Variants in TBC1D5 observed in about 807,000 individuals in gnomAD.
TBC1D5 encodes TBC1 domain family, member 5.
TBC1D5 carries 75 observed loss-of-function variants against 100.3 expected under a neutral mutation model. The observed-to-expected ratio is 0.75, with a 90% CI of 0.62 to 0.91. The LOEUF (loss-of-function observed/expected upper bound fraction) is 0.91, where lower values mean the gene tolerates loss of function less well. Ranked by LOEUF, TBC1D5 falls within the 40% of genes least tolerant of loss-of-function variation. The pLI is 0.00. For missense variants in TBC1D5, 910 were observed against 942.4 expected (o/e 0.97, Z 0.45); for synonymous variants, 323 against 325.6 (o/e 0.99, Z 0.09).
intron 8 of TBC1D5, among the ~76,000 whole-genome samples, chr3:17,391,282 C>T (rs538390119): frequency 2.6e-5 from 4 of 151,876 alleles, no homozygotes; most frequent in Admixed American, 6.6e-5. Flanking sequence ...GAAGGAGGAC[C>T]GTAAAGCAGC....
intron 17 of TBC1D5, among the ~76,000 whole-genome samples, chr3:17,221,513 A>T (rs2074285147): frequency 6.6e-6 from 1 of 152,128 alleles, no homozygotes. Flanking sequence ...GGAAGGCAGA[A>T]GAATGAGCTA....
intron 14 of TBC1D5, among the ~76,000 whole-genome samples, chr3:17,300,501 A>G (rs971278638): frequency 1.3e-5 from 2 of 152,232 alleles, no homozygotes; most frequent in African/African-American, 4.8e-5. Context: ...ACAGTGGCTG[A>G]AGAATAAGTA....
At chr3:17,484,768 G>A (rs1002004138) in intron 3 of TBC1D5, among the ~76,000 whole-genome samples, 5 of 152,086 alleles carry the variant, frequency 3.3e-5, no homozygotes, top group African/African-American at 9.7e-5. Flanking sequence ...ACAGGCATGA[G>A]CCACTAGGCC....
intron 3 of TBC1D5, among the ~76,000 whole-genome samples, chr3:17,485,922 C>T (rs1279775091): frequency 2.6e-5 from 4 of 152,144 alleles, no homozygotes; most frequent in Admixed American, 1.3e-4. Flanking sequence ...GCCACACTGA[C>T]TTCCACAAGG....
chr3:17,320,466 T>C (rs933891466), intron 13 of TBC1D5, among the ~76,000 whole-genome samples: 2 of 152,230 alleles, frequency 1.3e-5, no homozygotes, highest in Non-Finnish European at 2.9e-5. Flanking sequence ...TAAGAGGATA[T>C]AGTGTTGGGA....
intron 18 of TBC1D5, among the ~76,000 whole-genome samples, chr3:17,194,116 GCAGC>G (rs1450608414): frequency 6.6e-6 from 1 of 152,164 alleles, no homozygotes; most frequent in African/African-American, 2.4e-5. Context: ...GGGATGGGAT[GCAGC>G]TGGTCCATGG....
intron 2 of TBC1D5, among the ~76,000 whole-genome samples, chr3:17,612,966 A>G (rs554263816): frequency 2.0e-5 from 3 of 150,480 alleles, no homozygotes; most frequent in Non-Finnish European, 4.4e-5. Flanking sequence ...TACATGTGCC[A>G]TGTTGGTTTG....
At chr3:17,520,738 G>A (rs559389762) in intron 2 of TBC1D5, among the ~76,000 whole-genome samples, 1 of 152,058 alleles carries the variant, frequency 6.6e-6, no homozygotes, top group Non-Finnish European at 1.5e-5. Flanking sequence ...TTAAATTTCA[G>A]AAAAACAACA....
At chr3:17,508,872 C>T (rs1301539619) in intron 2 of TBC1D5, among the ~76,000 whole-genome samples, 1 of 152,008 alleles carries the variant, frequency 6.6e-6, no homozygotes, top group African/African-American at 2.4e-5. Flanking sequence ...AATAAATAAG[C>T]TAAATTCTAA....
At position 17,464,705 on chromosome 3, in the gene TBC1D5, T is replaced by C. The variant is rs1180842768; in HGVS notation, c.98-36186A>G. On this transcript the variant is annotated intron_variant, in intron 3 of 21. Transcript: ENST00000253692. ...CACCCCTACCATGTGATTAAAACCATACATGAATCATCTCTTTTTTTCATC... is the reference window on the plus strand; with the variant it reads ...CACCCCTACCATGTGATTAAAACCACACATGAATCATCTCTTTTTTTCATC... Among the ~76,000 whole-genome samples, 4 of 152,314 alleles carry C rather than the reference T, an allele frequency of 2.6e-5. No homozygotes were observed. In the South Asian group the frequency reaches 8.3e-4, roughly 32 times the overall value.
chr3:17,162,106 G>A (rs760686660), intron 21 of TBC1D5, among the ~76,000 whole-genome samples: 5 of 152,232 alleles, frequency 3.3e-5, no homozygotes, highest in African/African-American at 9.6e-5. Flanking sequence ...AGGACATCCA[G>A]TGCCAGCCTG....
At chr3:17,573,330 A>T (rs982576888) in intron 2 of TBC1D5, among the ~76,000 whole-genome samples, 1 of 152,058 alleles carries the variant, frequency 6.6e-6, no homozygotes, top group Non-Finnish European at 1.5e-5. Flanking sequence ...CCTTGTAAGT[A>T]TCTGGGCTCT....
chr3:17,610,838 G>GA (rs567308439), intron 2 of TBC1D5, among the ~76,000 whole-genome samples: 98 of 152,226 alleles, frequency 6.4e-4, no homozygotes, highest in African/African-American at 2.3e-3. Flanking sequence ...ACAAAATGGT[G>GA]AAACCCCATG....
intron 15 of TBC1D5, among the ~76,000 whole-genome samples, chr3:17,262,591 C>T (rs979696730): frequency 2.0e-5 from 3 of 150,908 alleles, no homozygotes; most frequent in African/African-American, 4.9e-5. Flanking sequence ...ACGCCACTCT[C>T]CTGCCTCAGC....
chr3:17,668,958 C>T (rs984153225), intron 1 of TBC1D5, among the ~76,000 whole-genome samples: 1 of 152,154 alleles, frequency 6.6e-6, no homozygotes, highest in Non-Finnish European at 1.5e-5. Flanking sequence ...GTAGTTTACC[C>T]TCTTTAAGTT....
At chr3:17,389,620 C>A (rs1482878143) in intron 8 of TBC1D5, among the ~76,000 whole-genome samples, 5 of 152,068 alleles carry the variant, frequency 3.3e-5, no homozygotes, top group Non-Finnish European at 5.9e-5. Flanking sequence ...AATGAGCAAA[C>A]CTTCAGATGA....
At chr3:17,598,913 CA>C (rs2060749068) in intron 2 of TBC1D5, among the ~76,000 whole-genome samples, 1 of 152,116 alleles carries the variant, frequency 6.6e-6, no homozygotes, top group Non-Finnish European at 1.5e-5. Flanking sequence ...AACTGGATTT[CA>C]AAATGGTTGG....
intron 3 of TBC1D5, among the ~76,000 whole-genome samples, chr3:17,463,342 T>C (rs1288885696): frequency 6.6e-6 from 1 of 152,196 alleles, no homozygotes; most frequent in Non-Finnish European, 1.5e-5. Flanking sequence ...ACTTCTGGGT[T>C]CCATTGGATT....
intron 21 of TBC1D5, 133 bp downstream of exon 22, chr3:17,166,634 C>T (rs1038509628): frequency 4.0e-6 from 5 of 1,255,414 alleles, no homozygotes; most frequent in Non-Finnish European, 5.4e-6. Flanking sequence ...CAGCTGTACA[C>T]AGCACCTCCG....
Sources: gnomAD v4.1 joint callset for allele counts (sites outside exome capture counted in the v4.1 genomes callset) on GRCh38, gnomAD v4.1.1 for gene constraint, MANE v1.5 for transcripts, NCBI Gene and HGNC (gene_info 2026-07-23, HGNC 2026-07-21) for gene names.